Variants in CAMKMT observed in about 807,000 individuals in gnomAD.
The protein encoded by CAMKMT is CaM KMT.
A neutral mutation model predicts 48.0 loss-of-function variants in CAMKMT; 53 were observed. That is an observed-to-expected ratio of 1.10 (90% CI 0.89 to 1.39). The LOEUF (loss-of-function observed/expected upper bound fraction) is 1.39. CAMKMT is among the 40% of genes most tolerant of loss of function. CAMKMT has a pLI of 0.00. For missense variants in CAMKMT, 428 were observed against 402.7 expected (o/e 1.06, Z -0.54); for synonymous variants, 165 against 152.3 (o/e 1.08, Z -0.61).
intron 3 of CAMKMT, among the ~76,000 whole-genome samples, chr2:44,519,926 A>C (rs1341520980): frequency 6.6e-6 from 1 of 151,968 alleles, no homozygotes. Flanking sequence ...ATTTTAGTTG[A>C]GATGGCCGGG....
chr2:44,469,084 T>C (rs1477770972), intron 3 of CAMKMT, among the ~76,000 whole-genome samples: 1 of 152,122 alleles, frequency 6.6e-6, no homozygotes, highest in Non-Finnish European at 1.5e-5. Flanking sequence ...ATATTAAAGC[T>C]AGATGAGAGG....
chr2:44,606,620 G>C (rs1200525655), intron 3 of CAMKMT, among the ~76,000 whole-genome samples: 5 of 152,050 alleles, frequency 3.3e-5, no homozygotes, highest in Admixed American at 2.0e-4. Context: ...TTTTGAAATG[G>C]TAGTGATAAT....
At chr2:44,444,147 A>G (rs1293179273) in intron 3 of CAMKMT, among the ~76,000 whole-genome samples, 1 of 152,164 alleles carries the variant, frequency 6.6e-6, no homozygotes, top group African/African-American at 2.4e-5. Flanking sequence ...CATACAACTC[A>G]ATTCTTTAAA....
intron 3 of CAMKMT, among the ~76,000 whole-genome samples, chr2:44,571,718 A>T (rs1397430738): frequency 1.3e-5 from 2 of 152,168 alleles, no homozygotes. Context: ...CTATGTTTGT[A>T]GTCCCGGGTG....
intron 3 of CAMKMT, among the ~76,000 whole-genome samples, chr2:44,638,661 G>C (rs1673281586): frequency 6.6e-6 from 1 of 152,182 alleles, no homozygotes; most frequent in South Asian, 2.1e-4. Flanking sequence ...TCTTTTATGA[G>C]TAAAATTACA....
At chr2:44,592,846 T>G (rs924700213) in intron 3 of CAMKMT, among the ~76,000 whole-genome samples, 2 of 152,180 alleles carry the variant, frequency 1.3e-5, no homozygotes, top group African/African-American at 4.8e-5. Flanking sequence ...GAATATGGTC[T>G]AGCTTGGTAA....
intron 3 of CAMKMT, among the ~76,000 whole-genome samples, chr2:44,693,909 C>G (rs768605512): frequency 6.6e-6 from 1 of 152,178 alleles, no homozygotes; most frequent in African/African-American, 2.4e-5. Flanking sequence ...TTTACTGACT[C>G]CTGTGTGATA....
At chr2:44,458,884 A>C (rs1667711179) in intron 3 of CAMKMT, among the ~76,000 whole-genome samples, 1 of 152,214 alleles carries the variant, frequency 6.6e-6, no homozygotes. Context: ...AACTGTGTAC[A>C]TAAAGAGGAA....
chr2:44,462,762 C>G (rs1165136110), intron 3 of CAMKMT, among the ~76,000 whole-genome samples: 2 of 152,022 alleles, frequency 1.3e-5, no homozygotes, highest in African/African-American at 4.8e-5. Flanking sequence ...TAATTCAGGT[C>G]TCAGCTATTT....
chr2:44,697,082 G>C (rs1676997176), intron 3 of CAMKMT, among the ~76,000 whole-genome samples: 2 of 152,088 alleles, frequency 1.3e-5, no homozygotes. Flanking sequence ...AACAGTTGCA[G>C]AAGAAGAGAA....
chr2:44,607,677 G>A (rs772884861), intron 3 of CAMKMT, among the ~76,000 whole-genome samples: 8 of 152,154 alleles, frequency 5.3e-5, no homozygotes, highest in South Asian at 2.1e-4. Flanking sequence ...TTTAAGTGCA[G>A]AAATGTGTAA....
chr2:44,442,649 C>G (rs960857168), intron 3 of CAMKMT, among the ~76,000 whole-genome samples: 1 of 152,180 alleles, frequency 6.6e-6, no homozygotes, highest in Non-Finnish European at 1.5e-5. Context: ...ACTGATGTTT[C>G]TAAATACAAT....
At chr2:44,629,355 G>A (rs1672675009) in intron 3 of CAMKMT, among the ~76,000 whole-genome samples, 1 of 151,430 alleles carries the variant, frequency 6.6e-6, no homozygotes, top group Non-Finnish European at 1.5e-5. Context: ...CATGATTAGT[G>A]TGCACATGGC....
chr2:44,456,709 T>C (rs1294264915), intron 3 of CAMKMT: 7 of 1,064,120 alleles, frequency 6.6e-6, no homozygotes, highest in Non-Finnish European at 9.3e-6. Context: ...CTTGTCTTCA[T>C]GATCTTCATT....
chr2:44,527,650 C>T (rs1666225768), intron 3 of CAMKMT, among the ~76,000 whole-genome samples: 1 of 151,690 alleles, frequency 6.6e-6, no homozygotes, highest in South Asian at 2.1e-4. Context: ...TTTTGTGCAA[C>T]ATGTTCATGA....
chr2:44,712,770 C>G (rs1677950715), intron 6 of CAMKMT, among the ~76,000 whole-genome samples: 1 of 152,112 alleles, frequency 6.6e-6, no homozygotes, highest in African/African-American at 2.4e-5. Flanking sequence ...TGAACACTAT[C>G]CTGGACATAT....
At chr2:44,487,520 T>G (rs1273316889) in intron 3 of CAMKMT, among the ~76,000 whole-genome samples, 1 of 152,224 alleles carries the variant, frequency 6.6e-6, no homozygotes, top group African/African-American at 2.4e-5. Context: ...AAATAAAGTT[T>G]TGACATTGGA....
chr2:44,582,982 AATG>A (rs1017592717), intron 3 of CAMKMT, among the ~76,000 whole-genome samples: 3 of 152,204 alleles, frequency 2.0e-5, no homozygotes, highest in Non-Finnish European at 2.9e-5. Flanking sequence ...TTTCAACAAA[AATG>A]ATGATCTTTT....
At chr2:44,761,300 G>A (rs1680606462) in intron 9 of CAMKMT, among the ~76,000 whole-genome samples, 1 of 152,172 alleles carries the variant, frequency 6.6e-6, no homozygotes, top group South Asian at 2.1e-4. Context: ...TAAAAGAACA[G>A]ATGGGGGATG....
Sources: allele counts gnomAD v4.1 joint callset (sites outside exome capture counted in the v4.1 genomes callset), GRCh38; gene constraint gnomAD v4.1.1; transcripts MANE v1.5; gene names NCBI Gene and HGNC (gene_info 2026-07-23, HGNC 2026-07-21).